PTPRD: variants seen among roughly 807,000 people sequenced by gnomAD.
PTPRD encodes the protein receptor-type tyrosine-protein phosphatase delta.
In PTPRD, 34 loss-of-function variants were observed where a neutral mutation model predicts 214.5. That is an observed-to-expected ratio of 0.16 (90% CI 0.12 to 0.21). PTPRD has a LOEUF of 0.21. Ranked by LOEUF, PTPRD falls within the 10% of genes least tolerant of loss-of-function variation. The pLI, the probability that PTPRD is intolerant of heterozygous loss-of-function variation, is 1.00. For synonymous variants in PTPRD, 1,128 were observed against 845.7 expected, an observed-to-expected ratio of 1.33 and a Z score of -5.79; for missense variants, 2,545 against 2,398.7, an observed-to-expected ratio of 1.06 and a Z score of -1.27.
rs571749376 is a variant in PTPRD, at chr9:9,924,325, TA to T, written c.-368+14181del. On this transcript the variant is annotated intron_variant, in intron 5 of 45. Coordinates refer to ENST00000381196, the MANE Select transcript of PTPRD (RefSeq NM_002839.4). Reference sequence around the variant, plus strand: ...TACCAAAAGGACCAGATACACGAGCTAAACATTGCTTTCTCTATTGAACAGG... The same window carrying T: ...TACCAAAAGGACCAGATACACGAGCTAACATTGCTTTCTCTATTGAACAGG... Among the ~76,000 whole-genome samples, 14 of 152,174 alleles carry T rather than the reference TA, an allele frequency of 9.2e-5. No homozygotes were observed. In the South Asian group the frequency reaches 2.9e-3, roughly 32 times the overall value.
At position 8,507,201 on chromosome 9, in the gene PTPRD, T is replaced by A. The variant is rs2097560135; in HGVS notation, c.1677+100A>T. 4 of 1,360,386 alleles carry A rather than the reference T, an allele frequency of 2.9e-6. No individual in the cohort carries two copies. In the Admixed American group the frequency reaches 9.6e-5, roughly 33 times the overall value. The allele number at this position is 1,360,386 out of a possible 1,614,324, so 84.3% of individuals were successfully genotyped here. On this transcript the variant is annotated intron_variant, in intron 22 of 45. Coordinates refer to ENST00000381196, the MANE Select transcript of PTPRD (RefSeq NM_002839.4). The stretch of plus-strand genomic sequence containing the variant: ...TAGTAAATCTTTTCCATCAAGGTCC[T>A]CAATAGCTCTCTGACCAAGAATGTG...
At chr9:8,880,163 G>T (rs1006399068) in intron 11 of PTPRD, among the ~76,000 whole-genome samples, 2 of 152,032 alleles carry the variant, frequency 1.3e-5, no homozygotes, top group Non-Finnish European at 2.9e-5. Flanking sequence ...CTCAGTCATA[G>T]CCCTGAGAAA....
At chr9:8,511,211 G>C (rs550979610) in intron 21 of PTPRD, among the ~76,000 whole-genome samples, 58 of 152,176 alleles carry the variant, frequency 3.8e-4, no homozygotes, top group Non-Finnish European at 5.9e-4. Flanking sequence ...TGAGAGTACA[G>C]GTGTGTGCCA....
chr9:9,870,769 T>C (rs1255635471), intron 5 of PTPRD, among the ~76,000 whole-genome samples: 1 of 152,016 alleles, frequency 6.6e-6, no homozygotes, highest in Non-Finnish European at 1.5e-5. Context: ...AAAAAATTTA[T>C]ACACACACTC....
chr9:9,135,794 A>T (rs1373248194), intron 10 of PTPRD, among the ~76,000 whole-genome samples: 1 of 152,072 alleles, frequency 6.6e-6, no homozygotes, highest in African/African-American at 2.4e-5. Flanking sequence ...TTAAAGATAG[A>T]ATAGCAGCTA....
At chr9:10,160,692 T>A (rs1390412564) in intron 3 of PTPRD, among the ~76,000 whole-genome samples, 1 of 151,908 alleles carries the variant, frequency 6.6e-6, no homozygotes, top group Non-Finnish European at 1.5e-5. Context: ...TTTTCACCAC[T>A]TTTATTTAAC....
chr9:9,662,158 C>G (rs979601236), intron 7 of PTPRD, among the ~76,000 whole-genome samples: 1 of 151,628 alleles, frequency 6.6e-6, no homozygotes, highest in African/African-American at 2.4e-5. Flanking sequence ...CATACAGTTA[C>G]AAAATATCTT....
chr9:8,410,096 C>T (rs1589717231), intron 35 of PTPRD, among the ~76,000 whole-genome samples: 1 of 152,164 alleles, frequency 6.6e-6, no homozygotes, highest in Non-Finnish European at 1.5e-5. Flanking sequence ...CATTCATTGT[C>T]TCTCTCTTCT....
chr9:9,534,668 G>GA (rs2076166002), intron 8 of PTPRD, among the ~76,000 whole-genome samples: 1 of 151,968 alleles, frequency 6.6e-6, no homozygotes, highest in South Asian at 2.1e-4. Flanking sequence ...TGAGTAAAGG[G>GA]AAAAAATGTA....
chr9:10,564,996 T>C (rs1046419028), intron 2 of PTPRD, among the ~76,000 whole-genome samples: 6 of 152,138 alleles, frequency 3.9e-5, no homozygotes, highest in Non-Finnish European at 8.8e-5. Flanking sequence ...AATTTGAAAC[T>C]TTCTAGGCCT....
chr9:9,145,739 T>C (rs190068590), intron 10 of PTPRD, among the ~76,000 whole-genome samples: 42 of 152,246 alleles, frequency 2.8e-4, no homozygotes, highest in African/African-American at 9.6e-4. Flanking sequence ...CACAGTAGAA[T>C]AGAACTGGAT....
chr9:9,703,551 G>A (rs2097541258), intron 7 of PTPRD, among the ~76,000 whole-genome samples: 1 of 152,080 alleles, frequency 6.6e-6, no homozygotes, highest in Non-Finnish European at 1.5e-5. Context: ...ATTGGCAGGT[G>A]ATTAATGTAC....
rs2098382238 is a variant in PTPRD, at chr9:8,713,225, C to A, written c.64+20555G>T. ...TTGATCTGAAATTTGGTATCCAGTT[C>A]GCTCCTAAACTGAGTCTCCAATTGT... On this transcript the variant is annotated intron_variant, in intron 12 of 45. Coordinates refer to ENST00000381196, the MANE Select transcript of PTPRD (RefSeq NM_002839.4). 6.8e-6 allele frequency: 4 copies of A among 587,066 alleles called. No homozygotes were observed. In the South Asian group the frequency reaches 8.5e-5, roughly 12 times the overall value. The allele number at this position is 587,066 out of a possible 1,614,324, so 36.4% of individuals were successfully genotyped here.
At chr9:9,738,158 C>T (rs574111654) in intron 6 of PTPRD, among the ~76,000 whole-genome samples, 5 of 152,042 alleles carry the variant, frequency 3.3e-5, no homozygotes, top group Admixed American at 6.6e-5. Flanking sequence ...TGTTAAATGA[C>T]GAGTTAACGG....
intron 11 of PTPRD, among the ~76,000 whole-genome samples, chr9:8,938,182 T>C (rs1588446137): frequency 6.6e-6 from 1 of 152,060 alleles, no homozygotes; most frequent in African/African-American, 2.4e-5. Context: ...CTGTGAAGTA[T>C]GTGGATGGTA....
chr9:8,435,001 G>A (rs549593639), intron 35 of PTPRD, among the ~76,000 whole-genome samples: 1 of 152,246 alleles, frequency 6.6e-6, no homozygotes, highest in East Asian at 1.9e-4. Context: ...ATGTTCTCCT[G>A]AATGCTTGGA....
At chr9:8,594,859 CCT>C (rs1491111763) in intron 14 of PTPRD, among the ~76,000 whole-genome samples, 1,912 of 141,564 alleles carry the variant, frequency 0.014, 33 homozygotes, top group East Asian at 0.063. Flanking sequence ...ATGTTTAACC[CCT>C]TTTTTTTTTT....
chr9:8,682,499 A>G (rs1321989571), intron 12 of PTPRD, among the ~76,000 whole-genome samples: 1 of 152,260 alleles, frequency 6.6e-6, no homozygotes, highest in East Asian at 1.9e-4. Flanking sequence ...TGTGGTACAC[A>G]ACATATACAT....
chr9:9,187,031 AG>A (rs146632034), intron 9 of PTPRD, among the ~76,000 whole-genome samples: 11,015 of 151,938 alleles, frequency 0.072, 460 homozygotes, highest in Middle Eastern at 0.11. Flanking sequence ...CACCTGAAAA[AG>A]GTATTTCAAC....
Sources: allele counts gnomAD v4.1 joint callset (sites outside exome capture counted in the v4.1 genomes callset), GRCh38; gene constraint gnomAD v4.1.1; transcripts MANE v1.5; gene names NCBI Gene and HGNC (gene_info 2026-07-23, HGNC 2026-07-21).